Variants in KAZN observed in about 807,000 individuals in gnomAD.
KAZN encodes kazrin, periplakin interacting protein.
KAZN carries 40 observed loss-of-function variants against 87.4 expected under a neutral mutation model. The observed-to-expected ratio is 0.46, with a 90% CI of 0.36 to 0.60. The LOEUF (loss-of-function observed/expected upper bound fraction) is 0.60, where lower values mean the gene tolerates loss of function less well. KAZN is among the 20% of genes least tolerant of loss of function. The pLI, the probability that KAZN is intolerant of heterozygous loss-of-function variation, is 0.00. For missense variants in KAZN, 898 were observed against 1,073.9 expected, an observed-to-expected ratio of 0.84 and a Z score of 2.29; for synonymous variants, 466 against 458.3, an observed-to-expected ratio of 1.02 and a Z score of -0.22.
intron 2 of KAZN, among the ~76,000 whole-genome samples, chr1:14,418,984 T>C (rs10927431): frequency 0.43 from 66,084 of 152,108 alleles, 14,773 homozygotes; most frequent in African/African-American, 0.51. Flanking sequence ...TGAAAACTTC[T>C]AGCCTGCCAT....
intron 2 of KAZN, among the ~76,000 whole-genome samples, chr1:14,452,885 T>C (rs1017547826): frequency 3.3e-5 from 5 of 152,170 alleles, no homozygotes; most frequent in Non-Finnish European, 5.9e-5. Context: ...CAAGCCACAG[T>C]AATGAGTAAA....
chr1:14,879,636 A>C (rs1350801143), intron 1 of KAZN, among the ~76,000 whole-genome samples: 1 of 151,912 alleles, frequency 6.6e-6, no homozygotes, highest in Non-Finnish European at 1.5e-5. Context: ...TTAAAGCTTC[A>C]TTCTGAAAAA....
intron 2 of KAZN, among the ~76,000 whole-genome samples, chr1:14,355,168 GA>G (rs1249425283): frequency 1.3e-5 from 2 of 152,222 alleles, no homozygotes; most frequent in East Asian, 3.9e-4. Flanking sequence ...TAAAAATCAA[GA>G]AAATGGTTGC....
At chr1:13,906,311 A>G (rs1327843807) in intron 1 of KAZN, among the ~76,000 whole-genome samples, 1 of 152,154 alleles carries the variant, frequency 6.6e-6, no homozygotes, top group African/African-American at 2.4e-5. Context: ...AGTCTACCAT[A>G]CTAACTCCCT....
chr1:14,418,937 T>A (rs1665091094), intron 2 of KAZN, among the ~76,000 whole-genome samples: 1 of 152,230 alleles, frequency 6.6e-6, no homozygotes, highest in African/African-American at 2.4e-5. Flanking sequence ...GGGGACCACC[T>A]CGGCACCCAG....
chr1:14,813,513 T>C (rs1463291351), intron 1 of KAZN, among the ~76,000 whole-genome samples: 2 of 152,160 alleles, frequency 1.3e-5, no homozygotes. Context: ...TGGAAGCGGA[T>C]CTTCTGGTTC....
intron 1 of KAZN, among the ~76,000 whole-genome samples, chr1:14,758,530 C>T (rs1480968690): frequency 6.6e-6 from 1 of 151,884 alleles, no homozygotes; most frequent in Non-Finnish European, 1.5e-5. Context: ...CCAGGCAGGT[C>T]TTTAACTCCT....
At chr1:14,361,492 G>A (rs534975515) in intron 2 of KAZN, among the ~76,000 whole-genome samples, 1 of 152,336 alleles carries the variant, frequency 6.6e-6, no homozygotes. Flanking sequence ...GGTGCCACTA[G>A]GGTATGAAAA....
intron 8 of KAZN, among the ~76,000 whole-genome samples, chr1:15,079,666 C>G (rs943575883): frequency 6.6e-6 from 1 of 152,140 alleles, no homozygotes; most frequent in Non-Finnish European, 1.5e-5. Context: ...AGATCCCCCC[C>G]TCACTTCTCA....
rs534533088 is a variant in KAZN at position 14,612,244 on chromosome 1, C to T, written c.226+13021C>T. On this transcript the variant is annotated intron_variant, in intron 1 of 14. Coordinates refer to ENST00000376030, the MANE Select transcript of KAZN (RefSeq NM_201628.3). ...GGACAGGAGAGGAGACACTTGCTGC[C>T]GCTCAGTGGTTTGAGATGGAGTCAC... Among the ~76,000 whole-genome samples, 7 of 152,208 alleles carry T rather than the reference C, an allele frequency of 4.6e-5. No homozygotes were observed. In the South Asian group the frequency reaches 8.3e-4, roughly 18 times the overall value.
At chr1:14,831,217 T>G (rs1647039233) in intron 1 of KAZN, among the ~76,000 whole-genome samples, 1 of 152,234 alleles carries the variant, frequency 6.6e-6, no homozygotes, top group Non-Finnish European at 1.5e-5. Flanking sequence ...CCATTTGGCT[T>G]CAGGTACAGC....
intron 1 of KAZN, among the ~76,000 whole-genome samples, chr1:14,121,124 G>A (rs537583247): frequency 1.1e-4 from 17 of 152,290 alleles, no homozygotes; most frequent in East Asian, 5.8e-4. Context: ...CAAGCTGTGC[G>A]TACCATGGAT....
At chr1:14,074,472 A>G (rs1003446075) in intron 1 of KAZN, among the ~76,000 whole-genome samples, 2 of 152,146 alleles carry the variant, frequency 1.3e-5, no homozygotes, top group African/African-American at 4.8e-5. Flanking sequence ...TCTCCTGGGG[A>G]TGGACCTGGG....
chr1:14,475,349 ACTTT>A (rs1668661028), intron 2 of KAZN, among the ~76,000 whole-genome samples: 1 of 152,236 alleles, frequency 6.6e-6, no homozygotes, highest in African/African-American at 2.4e-5. Context: ...TGAAAAGAGG[ACTTT>A]AATATATACG....
At chr1:13,912,390 T>C (rs1250800926) in intron 1 of KAZN, among the ~76,000 whole-genome samples, 1 of 152,158 alleles carries the variant, frequency 6.6e-6, no homozygotes, top group Non-Finnish European at 1.5e-5. Flanking sequence ...TGAAACCGTG[T>C]GCTGCTTGAT....
intron 1 of KAZN, among the ~76,000 whole-genome samples, chr1:14,022,395 A>G (rs1640867824): frequency 6.6e-6 from 1 of 151,478 alleles, no homozygotes; most frequent in African/African-American, 2.4e-5. Context: ...AATAAATGAT[A>G]ACAATCTTGA....
At chr1:14,284,876 T>A (rs1276067219) in intron 2 of KAZN, among the ~76,000 whole-genome samples, 2 of 152,162 alleles carry the variant, frequency 1.3e-5, no homozygotes, top group Non-Finnish European at 2.9e-5. Flanking sequence ...CAGAGATGGG[T>A]CTCTCTGTTT....
At chr1:14,989,243 A>G (rs2101940645) in intron 2 of KAZN, among the ~76,000 whole-genome samples, 1 of 152,342 alleles carries the variant, frequency 6.6e-6, no homozygotes, top group African/African-American at 2.4e-5. Flanking sequence ...TGGGAGGCCA[A>G]GGTAGGTGGA....
rs72873846 is a variant in KAZN at position 15,117,735 on chromosome 1, C to A, written c.*3100C>A. 0.038 allele frequency: 5,766 copies of A among 152,512 alleles called. 333 individuals are homozygous for A. The highest frequency in any genetic ancestry group is 0.13 in the African/African-American group (5,203 of 41,544). 9.4% of individuals were successfully genotyped at this position (152,512 alleles called of 1,614,324 possible). A position where few individuals can be genotyped will look rare whatever the true frequency, so the allele number is the denominator to read the frequency against. On this transcript the variant is annotated 3_prime_UTR_variant, in exon 15 of 15. Transcript: ENST00000376030. ...CCATGCTCAGGCCCACCTCCCTCTT[C>A]CCATCAGAGCCCATGCGTCCTGGGC...
Sources: allele counts gnomAD v4.1 joint callset (sites outside exome capture counted in the v4.1 genomes callset), GRCh38; gene constraint gnomAD v4.1.1; transcripts MANE v1.5; gene names NCBI Gene and HGNC (gene_info 2026-07-23, HGNC 2026-07-21).